The following HNF4A variants were observed in gnomAD, a reference collection of about 807,000 sequenced individuals.
HNF4A encodes hepatocyte nuclear factor 4 alpha.
HNF4A carries 15 observed loss-of-function variants against 52.4 expected under a neutral mutation model. That is an observed-to-expected ratio of 0.29 (90% CI 0.19 to 0.44). The LOEUF (loss-of-function observed/expected upper bound fraction) is 0.44. Among genes scored for constraint, HNF4A ranks in the 20% least tolerant of loss-of-function variants. The pLI, the probability that HNF4A is intolerant of heterozygous loss-of-function variation, is 1.00. For synonymous variants in HNF4A, 280 were observed against 264.4 expected (o/e 1.06, Z -0.57); for missense variants, 479 against 647.2 (o/e 0.74, Z 2.82).
chr20:44,404,471 C>CGT (rs372901574), intron 1 of HNF4A, among the ~76,000 whole-genome samples: 36 of 151,362 alleles, frequency 2.4e-4, no homozygotes, highest in South Asian at 4.2e-4. Flanking sequence ...TATGAATACA[C>CGT]GTGTGTGTGT....
chr20:44,374,777 T>C lies in HNF4A; in HGVS notation c.49+18924T>C, dbSNP rs1179244273. Among the ~76,000 whole-genome samples, 3 of 152,358 alleles carry C rather than the reference T, an allele frequency of 2.0e-5. No homozygotes were observed. The East Asian group carries it at 5.8e-4, about 29-fold the overall frequency. On this transcript the variant is annotated intron_variant, in intron 1 of 9. Coordinates refer to the HNF4A transcript ENST00000316673. ...CTGTGCTTGGCTGATGTCTTTCTAT[T>C]GTGAATAGTGCTGTGTAGAACATAT...
chr20:44,417,131 A>G (rs2063676187), intron 5 of HNF4A, among the ~76,000 whole-genome samples: 1 of 148,472 alleles, frequency 6.7e-6, no homozygotes, highest in South Asian at 2.2e-4. Context: ...TGAAAGAATG[A>G]ACAATCAAAT....
chr20:44,414,549 A>C lies in HNF4A; in HGVS notation c.535A>C (p.Lys179Gln). 1 of 1,614,204 alleles carries C rather than the reference A, an allele frequency of 6.2e-7. No homozygotes were observed. The highest frequency in any genetic ancestry group is 8.5e-7 in the Non-Finnish European group (1 of 1,180,030). The change falls in exon 5 of 10, where the codon AAG becomes CAG. Residue 179 changes from lysine (K) to glutamine (Q), a missense_variant. Physicochemically the swap from Lys to Gln is moderately conservative, Grantham distance 53. Around this residue, in one of 3 missense-constraint regions of HNF4A, gnomAD observed 389 missense variants for 525.1 expected, o/e 0.74. Coordinates refer to ENST00000316099, the MANE Select transcript of HNF4A (RefSeq NM_000457.6). ...CGGGATCAACGGCGACATTCGGGCG[A>C]AGAAGATTGCCAGCATCGCAGATGT...
At chr20:44,416,402 G>A (rs1413341365) in intron 5 of HNF4A, among the ~76,000 whole-genome samples, 2 of 152,254 alleles carry the variant, frequency 1.3e-5, no homozygotes, top group Non-Finnish European at 2.9e-5. Context: ...AAATTTGCCT[G>A]AAGTCACAGA....
At chr20:44,370,748 C>G (rs766501998) in intron 1 of HNF4A, among the ~76,000 whole-genome samples, 40 of 152,128 alleles carry the variant, frequency 2.6e-4, no homozygotes, top group Non-Finnish European at 4.7e-4. Flanking sequence ...ACAGCTGAGT[C>G]AGTAGGGTGA....
At chr20:44,425,188 T>C (rs1329308042) in intron 8 of HNF4A, among the ~76,000 whole-genome samples, 1 of 152,252 alleles carries the variant, frequency 6.6e-6, no homozygotes, top group Non-Finnish European at 1.5e-5. Flanking sequence ...TTCACCCTAT[T>C]GGCCAAGATG....
intron 7 of HNF4A, 81 bp from the exon 8 acceptor site, chr20:44,423,937 C>A: frequency 7.4e-7 from 1 of 1,354,072 alleles, no homozygotes; most frequent in Admixed American, 1.9e-5. Context: ...TGATACAAGT[C>A]AGGGGACATC....
intron 8 of HNF4A, among the ~76,000 whole-genome samples, chr20:44,425,132 C>A (rs2063800463): frequency 6.6e-6 from 1 of 152,206 alleles, no homozygotes; most frequent in Non-Finnish European, 1.5e-5. Flanking sequence ...CAGGCGCCCG[C>A]CACCACGCCC....
intron 1 of HNF4A, among the ~76,000 whole-genome samples, chr20:44,375,685 C>T (rs1054168693): frequency 3.3e-5 from 5 of 152,044 alleles, no homozygotes; most frequent in African/African-American, 1.2e-4. Context: ...TTTCCTAAGG[C>T]GAGGCCCCTC....
At chr20:44,375,904 A>G (rs2063079942) in intron 1 of HNF4A, among the ~76,000 whole-genome samples, 2 of 152,194 alleles carry the variant, frequency 1.3e-5, no homozygotes, top group South Asian at 4.1e-4. Context: ...CCCTGCTCTC[A>G]GACAGAGAAA....
chr20:44,430,420 C>T lies in HNF4A; in HGVS notation c.*755C>T, dbSNP rs1261356635. 6.6e-6 allele frequency: 1 copy of T among 152,350 alleles called. No individual in the cohort carries two copies. The highest frequency in any genetic ancestry group is 1.9e-4 in the East Asian group (1 of 5,314). The allele number at this position is 152,350 out of a possible 1,614,324, so 9.4% of individuals were successfully genotyped here. A position where few individuals can be genotyped will look rare whatever the true frequency, so the allele number is the denominator to read the frequency against. ...AGGCCTTCAACCCGAGAAAACAAACCCAGGTTGGCGACTGCAACAGGAACT... is the reference window on the plus strand; with the variant it reads ...AGGCCTTCAACCCGAGAAAACAAACTCAGGTTGGCGACTGCAACAGGAACT... On this transcript the variant is annotated 3_prime_UTR_variant, in exon 10 of 10. Transcript: ENST00000316099.
chr20:44,411,132 C>T (rs1441799246), intron 3 of HNF4A, among the ~76,000 whole-genome samples: 2 of 152,120 alleles, frequency 1.3e-5, no homozygotes, highest in Admixed American at 1.3e-4. Context: ...GCATCAAAAA[C>T]CCAGCCCAGA....
chr20:44,369,405 G>A (rs79013161), intron 1 of HNF4A, among the ~76,000 whole-genome samples: 1 of 151,756 alleles, frequency 6.6e-6, no homozygotes, highest in African/African-American at 2.4e-5. Flanking sequence ...ACTCCAGCTT[G>A]GATGATAGAC....
At chr20:44,429,501 G>C (rs1477704988) in intron 9 of HNF4A, 22 bp from the exon 10 acceptor site, 2 of 1,614,104 alleles carry the variant, frequency 1.2e-6, no homozygotes, top group South Asian at 1.1e-5. Context: ...AGCAGCCCCT[G>C]TCTGTCTGTT....
chr20:44,357,128 A>T (rs2062867501), intron 1 of HNF4A, among the ~76,000 whole-genome samples: 1 of 152,134 alleles, frequency 6.6e-6, no homozygotes, highest in Admixed American at 6.6e-5. Context: ...AGTCAGGAAG[A>T]ATCTTCTTTG....
rs965075839 is a variant in HNF4A, at chr20:44,355,942, G to T, written c.49+89G>T. ...ACACCTCCCCGTGTGTTTCTTACGGGCCCAAAGCTCCTCCTGGAGCTCCTC... is the reference window on the plus strand; with the variant it reads ...ACACCTCCCCGTGTGTTTCTTACGGTCCCAAAGCTCCTCCTGGAGCTCCTC... On this transcript the variant is annotated intron_variant, in intron 1 of 9. Transcript: ENST00000316673. 5.2e-6 allele frequency: 6 copies of T among 1,151,940 alleles called. No individual in the cohort carries two copies. The South Asian group carries it at 5.9e-5, about 11-fold the overall frequency. The allele number at this position is 1,151,940 out of a possible 1,614,324, so 71.4% of individuals were successfully genotyped here. A position where few individuals can be genotyped will look rare whatever the true frequency, so the allele number is the denominator to read the frequency against.
chr20:44,391,783 G>T (rs1423014840), intron 1 of HNF4A, among the ~76,000 whole-genome samples: 1 of 152,242 alleles, frequency 6.6e-6, no homozygotes, highest in East Asian at 1.9e-4. Flanking sequence ...CATGCTATCT[G>T]GTCTGTATAA....
At chr20:44,378,512 T>C (rs113892721) in intron 1 of HNF4A, among the ~76,000 whole-genome samples, 1,824 of 152,130 alleles carry the variant, frequency 0.012, 37 homozygotes, top group African/African-American at 0.041. Context: ...AGGTGATCCA[T>C]CCACCTCAGC....
chr20:44,405,079 G>C (rs1319579582), intron 1 of HNF4A, among the ~76,000 whole-genome samples: 3 of 12,588 alleles, frequency 2.4e-4, no homozygotes, highest in Non-Finnish European at 5.5e-4. Context: ...TGTGTGGACT[G>C]TGTGGTGCGT....
Sources: allele counts gnomAD v4.1 joint callset (sites outside exome capture counted in the v4.1 genomes callset), GRCh38; gene constraint gnomAD v4.1.1; regional missense constraint gnomAD v4.1.1; transcripts MANE v1.5; gene names NCBI Gene and HGNC (gene_info 2026-07-23, HGNC 2026-07-21).